ZFPM1: variants seen among roughly 807,000 people sequenced by gnomAD.
ZFPM1 encodes the protein zinc finger protein, FOG family member 1, also known as zinc finger protein ZFPM1.
In ZFPM1, 28 loss-of-function variants were observed where a neutral mutation model predicts 46.3. The ratio of observed to expected loss-of-function variants is 0.60; its 90% CI spans 0.45 to 0.83. The LOEUF (loss-of-function observed/expected upper bound fraction) is 0.83. Among genes scored for constraint, ZFPM1 ranks in the 40% least tolerant of loss-of-function variants. ZFPM1 has a pLI of 0.00. For missense variants in ZFPM1, 1,878 were observed against 1,432.4 expected (o/e 1.31, Z -5.02); for synonymous variants, 957 against 675.9 (o/e 1.42, Z -6.45).
rs370571875 is a variant in ZFPM1, at chr16:88,524,291, G to A, written c.403-2523G>A. ...CGGGAGCAGCCGGGACACAGTAGCC[G>A]CCGGTCACCCACCTTTGTGCCAGGA... On this transcript the variant is annotated intron_variant, in intron 4 of 9. Transcript: ENST00000319555. 1.6e-4 allele frequency among the ~76,000 whole-genome samples: 25 copies of A among 152,290 alleles called. 1 individual carries two copies. Among genetic ancestry groups the A allele is most frequent in the South Asian group, 4.1e-4 (2 of 4,820 alleles).
chr16:88,491,139 C>T (rs902104642), intron 3 of ZFPM1, among the ~76,000 whole-genome samples: 2 of 152,292 alleles, frequency 1.3e-5, no homozygotes, highest in African/African-American at 2.4e-5. Flanking sequence ...CTCAGGCCTT[C>T]GCTGCGGAGT....
chr16:88,532,467 C>CAGA (rs1912865234), intron 7 of ZFPM1, 147 bp from the exon 8 acceptor site: 2 of 870,558 alleles, frequency 2.3e-6, no homozygotes, highest in South Asian at 3.5e-5. Context: ...AGACAAAAGG[C>CAGA]GGAGGAGGAG....
At chr16:88,470,471 G>A (rs116244663) in intron 1 of ZFPM1, among the ~76,000 whole-genome samples, 1,624 of 152,298 alleles carry the variant, frequency 0.011, 31 homozygotes, top group African/African-American at 0.038. Flanking sequence ...CTGTTGTTGG[G>A]GGACTGGTGG....
rs911423400 is a variant in ZFPM1, at chr16:88,534,874, C to T, written c.2916C>T (p.Asn972=). Residue 972 remains asparagine (N), a synonymous_variant, in exon 10 of 10, where the codon AAC becomes AAT. Coordinates refer to ENST00000319555, the MANE Select transcript of ZFPM1 (RefSeq NM_153813.3). The part of the protein sequence containing the change: ...KGTPAPLPNG[N]HRYCRLCNIK... Reference sequence around the variant, plus strand: ...CGCCGGCGCCGCTGCCCAACGGCAACCACCGGTACTGCCGTCTTTGCAACA... The same window carrying T: ...CGCCGGCGCCGCTGCCCAACGGCAATCACCGGTACTGCCGTCTTTGCAACA... 6.4e-7 allele frequency: 1 copy of T among 1,568,924 alleles called. No homozygotes were observed. The highest frequency in any genetic ancestry group is 8.6e-7 in the Non-Finnish European group (1 of 1,163,012).
rs966153336 is a variant in ZFPM1, at chr16:88,533,643, C to G, written c.1685C>G (p.Ala562Gly). 27 of 1,459,412 alleles carry G rather than the reference C, an allele frequency of 1.9e-5. No individual in the cohort carries two copies. The highest frequency in any genetic ancestry group is 2.3e-5 in the Non-Finnish European group (25 of 1,104,416). The allele number at this position is 1,459,412 out of a possible 1,614,324, so 90.4% of individuals were successfully genotyped here. A position where few individuals can be genotyped will look rare whatever the true frequency, so the allele number is the denominator to read the frequency against. The change falls in exon 10 of 10, where the codon GCC becomes GGC. Residue 562 changes from alanine (A) to glycine (G), a missense_variant. Transcript: ENST00000319555. ...CTGCAGCAGGGCGCGGGCGCGGGCG[C>G]CGGCGGCGCGCAGACCGGGCTCTTC... ...SRLQQGAGAG[A>G]GGAQTGLFPG...
At chr16:88,459,957 G>A (rs1247689878) in intron 1 of ZFPM1, among the ~76,000 whole-genome samples, 1 of 151,280 alleles carries the variant, frequency 6.6e-6, no homozygotes, top group Non-Finnish European at 1.5e-5. Flanking sequence ...CAACCCTGCT[G>A]CTCACATAGC....
chr16:88,529,925 C>G (rs867254806), intron 6 of ZFPM1, among the ~76,000 whole-genome samples: 1 of 152,070 alleles, frequency 6.6e-6, no homozygotes, highest in Non-Finnish European at 1.5e-5. Context: ...GAGAACGGGC[C>G]GAGCGGCCAG....
At chr16:88,532,290 G>GT in intron 7 of ZFPM1, 55 bp downstream of exon 7, 1 of 1,497,396 alleles carries the variant, frequency 6.7e-7, no homozygotes, top group Admixed American at 2.1e-5. Flanking sequence ...TCCCCACCCA[G>GT]TCCCGCAGGC....
chr16:88,521,233 C>T (rs1411154845), intron 4 of ZFPM1, among the ~76,000 whole-genome samples: 5 of 151,682 alleles, frequency 3.3e-5, no homozygotes, highest in Admixed American at 1.3e-4. Context: ...CTGTTTCCCC[C>T]GCCTCCATGC....
intron 1 of ZFPM1, among the ~76,000 whole-genome samples, chr16:88,481,035 G>A (rs959074925): frequency 6.6e-6 from 1 of 152,260 alleles, no homozygotes; most frequent in South Asian, 2.1e-4. Flanking sequence ...CGCTATCAGC[G>A]CCAAGCCAAT....
At chr16:88,465,323 G>A (rs953779828) in intron 1 of ZFPM1, among the ~76,000 whole-genome samples, 4 of 152,272 alleles carry the variant, frequency 2.6e-5, no homozygotes, top group Non-Finnish European at 5.9e-5. Context: ...TGGCCCACAG[G>A]CCTGCGGGGA....
At chr16:88,495,250 C>T (rs572723836) in intron 3 of ZFPM1, among the ~76,000 whole-genome samples, 1 of 152,340 alleles carries the variant, frequency 6.6e-6, no homozygotes, top group East Asian at 1.9e-4. Context: ...AGAGAGTAAT[C>T]GTGTAGGCTG....
In ZFPM1 at chr16:88,492,921, G is replaced by A. The variant is rs546486808; in HGVS notation, c.268+3768G>A. 3.9e-5 allele frequency among the ~76,000 whole-genome samples: 6 copies of A among 152,328 alleles called. No individual in the cohort carries two copies. In the South Asian group the frequency reaches 6.2e-4, roughly 16 times the overall value. The stretch of plus-strand genomic sequence containing the variant: ...GGCACACAAGGACTTTGTAAGCACC[G>A]GAGAGCTGTCCCGGGGAGCAGAGAC... On this transcript the variant is annotated intron_variant, in intron 3 of 9. Coordinates refer to ENST00000319555, the MANE Select transcript of ZFPM1 (RefSeq NM_153813.3).
chr16:88,467,144 T>C (rs558551409), intron 1 of ZFPM1, among the ~76,000 whole-genome samples: 1 of 152,164 alleles, frequency 6.6e-6, no homozygotes, highest in Non-Finnish European at 1.5e-5. Context: ...TAGGGCCTCG[T>C]CCCATCACAC....
At chr16:88,478,568 G>A (rs1807206520) in intron 1 of ZFPM1, among the ~76,000 whole-genome samples, 2 of 152,246 alleles carry the variant, frequency 1.3e-5, no homozygotes, top group South Asian at 2.1e-4. Context: ...CTGCTGTTGC[G>A]GGCCCACAGA....
intron 2 of ZFPM1, 132 bp downstream of exon 2, chr16:88,486,175 TTCCA>T: frequency 2.1e-6 from 2 of 963,292 alleles, no homozygotes; most frequent in Non-Finnish European, 1.5e-6. Context: ...GACAGGCGTC[TTCCA>T]GCCAGAGGCC....
intron 4 of ZFPM1, among the ~76,000 whole-genome samples, chr16:88,520,602 G>A (rs369263893): frequency 0.25 from 29,049 of 116,366 alleles, 4,255 homozygotes; most frequent in East Asian, 0.4. Context: ...GGGTGAGTGG[G>A]TGGATGGATG....
chr16:88,527,101 T>C lies in ZFPM1; in HGVS notation c.505+185T>C, dbSNP rs572994415. Among the ~76,000 whole-genome samples, 304 of 152,180 alleles carry C rather than the reference T, an allele frequency of 2.0e-3. 1 individual carries two copies. Among genetic ancestry groups the C allele is most frequent in the African/African-American group, 7.0e-3 (291 of 41,550 alleles). On this transcript the variant is annotated intron_variant, in intron 5 of 9. Coordinates refer to ENST00000319555, the MANE Select transcript of ZFPM1 (RefSeq NM_153813.3). ...TACTGGGACCAGTCAGCCCAGACCA[T>C]GAGTCCCTGTATGAGGGTCCCGACT...
intron 1 of ZFPM1, among the ~76,000 whole-genome samples, chr16:88,460,083 T>C (rs1324983377): frequency 3.3e-5 from 5 of 151,684 alleles, no homozygotes; most frequent in Admixed American, 6.6e-5. Flanking sequence ...CTTGGCATAC[T>C]CTTGCCCTCT....
Sources: allele counts gnomAD v4.1 joint callset (sites outside exome capture counted in the v4.1 genomes callset), GRCh38; gene constraint gnomAD v4.1.1; transcripts MANE v1.5; gene names NCBI Gene and HGNC (gene_info 2026-07-23, HGNC 2026-07-21).